Variants in COL6A3 observed in about 807,000 individuals in gnomAD.
The protein encoded by COL6A3 is collagen alpha-3(VI) chain.
COL6A3 carries 137 observed loss-of-function variants against 274.1 expected under a neutral mutation model. The ratio of observed to expected loss-of-function variants is 0.50; its 90% CI spans 0.44 to 0.58. The LOEUF (loss-of-function observed/expected upper bound fraction) is 0.58, where lower values mean the gene tolerates loss of function less well. Ranked by LOEUF, COL6A3 falls within the 20% of genes least tolerant of loss-of-function variation. The pLI is 0.00. For missense variants in COL6A3, 3,950 were observed against 4,124.9 expected (o/e 0.96, Z 1.16); for synonymous variants, 1,650 against 1,650.6 (o/e 1.00, Z 0.01).
chr2:237,370,402 C>G (rs1042006291), intron 9 of COL6A3, among the ~76,000 whole-genome samples: 20 of 151,900 alleles, frequency 1.3e-4, no homozygotes, highest in Non-Finnish European at 2.8e-4. Flanking sequence ...CCACACCCAG[C>G]TAATTTTTGT....
rs752057646 is a variant in COL6A3, at chr2:237,381,136, C to T, written c.1676G>A (p.Gly559Asp). 2.5e-6 allele frequency: 4 copies of T among 1,614,150 alleles called. No homozygotes were observed. Among genetic ancestry groups the T allele is most frequent in the African/African-American group, 1.3e-5 (1 of 74,954 alleles). Residue 559 changes from glycine to aspartate, a missense_variant, in exon 5 of 44, where the codon GGT (glycine) becomes GAT (aspartate). Gly to Asp is a moderately conservative substitution (Grantham distance 94). Coordinates refer to ENST00000295550, the MANE Select transcript of COL6A3 (RefSeq NM_004369.4). ...CTGGCTGATTTCATCTAGGGACTTA[C>T]CACCTGTGATCAGCACCAAAAGCTT... ...IPKLLVLITG[G>D]KSLDEISQPA...
intron 42 of COL6A3, chr2:237,327,831 T>C (rs1412939743): frequency 6.7e-6 from 1 of 148,610 alleles, no homozygotes; most frequent in Admixed American, 6.7e-5. Context: ...GCAACTGTTT[T>C]AAAGCAAAAA....
rs575232190 is a variant in COL6A3, at chr2:237,351,461, G to A, written c.6754-269C>T. ...ATTAATGCATGTTGCAGTTATTAATGTACATATCCTAGGTTCCTGACAGGA... is the reference window on the plus strand; with the variant it reads ...ATTAATGCATGTTGCAGTTATTAATATACATATCCTAGGTTCCTGACAGGA... On this transcript the variant is annotated intron_variant, in intron 26 of 43. Coordinates refer to ENST00000295550, the MANE Select transcript of COL6A3 (RefSeq NM_004369.4). 3.3e-5 allele frequency among the ~76,000 whole-genome samples: 5 copies of A among 152,350 alleles called. No individual in the cohort carries two copies. The East Asian group carries it at 5.8e-4, about 18-fold the overall frequency.
intron 3 of COL6A3, among the ~76,000 whole-genome samples, chr2:237,389,394 A>C (rs1031843935): frequency 2.0e-4 from 30 of 152,318 alleles, no homozygotes; most frequent in Admixed American, 6.5e-4. Context: ...TTATCTATTT[A>C]TATTCTGGGA....
chr2:237,359,425 C>T, intron 17 of COL6A3, 37 bp from the exon 18 acceptor site: 1 of 1,613,136 alleles, frequency 6.2e-7, no homozygotes, highest in Admixed American at 1.7e-5. Flanking sequence ...ATTAGCTTTT[C>T]CTGCAGGGCT....
rs762941789 is a variant in COL6A3, at chr2:237,344,324, G to T, written c.7668+26C>A. On this transcript the variant is annotated intron_variant, in intron 36 of 43. Coordinates refer to ENST00000295550, the MANE Select transcript of COL6A3 (RefSeq NM_004369.4). The surrounding 1 kb of genome is among the most constrained non-coding windows in gnomAD (Gnocchi z 4.8). ...TCAGAGCCCCAGAAGAAAGGGAGATGCCAACAGCACGCACAGAGCACAGAC... is the reference window on the plus strand; with the variant it reads ...TCAGAGCCCCAGAAGAAAGGGAGATTCCAACAGCACGCACAGAGCACAGAC... 2.9e-5 allele frequency: 47 copies of T among 1,613,976 alleles called. 1 individual carries two copies. Among genetic ancestry groups the T allele is most frequent in the Non-Finnish European group, 3.7e-5 (44 of 1,180,024 alleles).
At chr2:237,372,566 C>T (rs1220955347) in intron 8 of COL6A3, among the ~76,000 whole-genome samples, 2 of 152,216 alleles carry the variant, frequency 1.3e-5, no homozygotes, top group Non-Finnish European at 2.9e-5. Flanking sequence ...AGAGCCTCAT[C>T]AGCACCAGCG....
Position 237,336,165 on chromosome 2 carries a change from C to G in COL6A3, c.8935G>C (p.Ala2979Pro), listed in dbSNP as rs1350448741. ...GGCTTAGTGGTGGCTGGCTTGGTGG[C>G]AGCTGGTTTGGCTGCCTGTGGCCTA... The part of the protein sequence containing the change: ...VPRPQAAKPA[A>P]TKPATTKPMV... The change falls in exon 40 of 44, where the codon GCC becomes CCC. Residue 2979 changes from alanine (A) to proline (P), a missense_variant. By Grantham distance (27) the Ala-to-Pro change is conservative (BLOSUM62 -1). Transcript: ENST00000295550. 1.9e-6 allele frequency: 3 copies of G among 1,613,428 alleles called. No homozygotes were observed. In the South Asian group the frequency reaches 3.3e-5, roughly 18 times the overall value.
chr2:237,376,739 A>C (rs1174350802), intron 7 of COL6A3, 33 bp downstream of exon 7: 1 of 1,603,772 alleles, frequency 6.2e-7, no homozygotes, highest in East Asian at 2.2e-5. Context: ...TAGAGAACTG[A>C]GTGGCAGAGC....
intron 4 of COL6A3, among the ~76,000 whole-genome samples, chr2:237,383,206 T>C (rs1461965703): frequency 6.6e-6 from 1 of 152,230 alleles, no homozygotes; most frequent in Non-Finnish European, 1.5e-5. Context: ...AAGACAGCAG[T>C]GCCTCATCTG....
rs778371231 is a variant in COL6A3, at chr2:237,345,183, C to T, written c.7123G>A (p.Asp2375Asn). The change falls in exon 33 of 44, where the codon GAT (aspartate) becomes AAT (asparagine). Residue 2375 changes from aspartate to asparagine, a missense_variant and splice_region_variant. Around this residue, in one of 5 missense-constraint regions of COL6A3, gnomAD observed 1,284 missense variants for 1,349.7 expected, o/e 0.95. Transcript: ENST00000295550. ...GPKGNRGDSI[D>N]QCALIQSIKD... ...CATTCTGGACACATGCAACTTACAT[C>T]GATGGAGTCGCCCCTGTTGCCCTTG... 4.3e-6 allele frequency: 7 copies of T among 1,614,032 alleles called. No homozygotes were observed. Among genetic ancestry groups the T allele is most frequent in the East Asian group, 2.2e-5 (1 of 44,892 alleles).
chr2:237,334,481 T>G (rs923846573), intron 41 of COL6A3, 145 bp downstream of exon 41: 11 of 880,392 alleles, frequency 1.2e-5, no homozygotes, highest in Non-Finnish European at 1.4e-5. Flanking sequence ...GCACCCAGGC[T>G]GAGTTGTTTT....
rs2078913366 is a variant in COL6A3, at chr2:237,413,780, A to G, written c.-31+173T>C. Among the ~76,000 whole-genome samples, 3 of 152,220 alleles carry G rather than the reference A, an allele frequency of 2.0e-5. No individual in the cohort carries two copies. Reference sequence around the variant, plus strand: ...CAATTTAAGGAAATCCCATTGCCATAAAGTGAGAAAGAAAAATCAGCGGAA... The same window carrying G: ...CAATTTAAGGAAATCCCATTGCCATGAAGTGAGAAAGAAAAATCAGCGGAA... On this transcript the variant is annotated intron_variant, in intron 1 of 43. Transcript: ENST00000295550. The surrounding 1 kb of genome is among the most constrained non-coding windows in gnomAD (Gnocchi z 4.0).
At position 237,341,054 on chromosome 2, in the gene COL6A3, G is replaced by A; in HGVS notation, c.7862C>T (p.Ala2621Val). 6.2e-7 allele frequency: 1 copy of A among 1,614,160 alleles called. No homozygotes were observed. The highest frequency in any genetic ancestry group is 1.3e-5 in the African/African-American group (1 of 75,042). ...AAGSDVDIDMAFILDSAETTT... is the reference protein window; with the variant it reads ...AAGSDVDIDMVFILDSAETTT... The stretch of plus-strand genomic sequence containing the variant: ...GGTCTCAGCGCTGTCTAAGATGAAA[G>A]CCATGTCGATGTCCACATCGCTCCC... Residue 2621 changes from alanine to valine, a missense_variant, in exon 38 of 44, where the codon GCT (alanine) becomes GTT (valine). This residue lies in a region of COL6A3 where 1,284 missense variants were observed against 1,349.7 expected (regional missense o/e 0.95). Coordinates refer to ENST00000295550, the MANE Select transcript of COL6A3 (RefSeq NM_004369.4).
intron 12 of COL6A3, among the ~76,000 whole-genome samples, chr2:237,365,010 G>A (rs769632789): frequency 1.3e-4 from 20 of 151,268 alleles, no homozygotes; most frequent in East Asian, 3.9e-4. Context: ...CCCCAGTACC[G>A]TAAGAATGGG....
chr2:237,332,981 G>T (rs113531833), intron 42 of COL6A3: 2 of 250,602 alleles, frequency 8.0e-6, no homozygotes, highest in South Asian at 5.8e-5. Context: ...CTAAGCTGGG[G>T]TGTGTGCTTA....
intron 6 of COL6A3, 107 bp from the exon 7 acceptor site, chr2:237,377,451 G>T: frequency 9.6e-7 from 1 of 1,045,124 alleles, no homozygotes; most frequent in Non-Finnish European, 1.5e-6. Flanking sequence ...AAACTCATCT[G>T]ATGACCACTG....
Position 237,336,447 on chromosome 2 carries a change from T to C in COL6A3, c.8653A>G (p.Thr2885Ala). 2 of 1,614,218 alleles carry C rather than the reference T, an allele frequency of 1.2e-6. No individual in the cohort carries two copies. Among genetic ancestry groups the C allele is most frequent in the Non-Finnish European group, 1.7e-6 (2 of 1,180,042 alleles). Residue 2885 changes from threonine to alanine, a missense_variant, in exon 40 of 44, where the codon ACC (threonine) becomes GCC (alanine). Physicochemically the swap from Thr to Ala is moderately conservative, Grantham distance 58. Transcript: ENST00000295550. ...GTGGTGGTTACAGGCTTTGTTGTGG[T>C]GGTCACCGGCTTCGTCGTAGTCACC... ...KPVTTTKPVT[T>A]TTKPVTTTTK...
chr2:237,358,417 G>A, intron 21 of COL6A3, 104 bp downstream of exon 21: 6 of 1,003,740 alleles, frequency 6.0e-6, no homozygotes, highest in Non-Finnish European at 9.5e-6. Context: ...TTATCAACGT[G>A]TTTTAAAGCA....
Sources: gnomAD v4.1 joint callset for allele counts (sites outside exome capture counted in the v4.1 genomes callset) on GRCh38, gnomAD v4.1.1 for gene constraint, gnomAD v4.1.1 regional missense constraint, Gnocchi (gnomAD v3.1) non-coding constraint, MANE v1.5 for transcripts, NCBI Gene and HGNC (gene_info 2026-07-23, HGNC 2026-07-21) for gene names.